The following MTMR2 variants were observed in gnomAD, a reference collection of about 807,000 sequenced individuals.
MTMR2 encodes phosphatidylinositol-3,5-bisphosphate 3-phosphatase MTMR2.
A neutral mutation model predicts 86.9 loss-of-function variants in MTMR2; 55 were observed. The ratio of observed to expected loss-of-function variants is 0.63; its 90% CI spans 0.51 to 0.79. The LOEUF (loss-of-function observed/expected upper bound fraction) is 0.79, where lower values mean the gene tolerates loss of function less well. MTMR2 is among the 30% of genes least tolerant of loss of function. The pLI is 0.00. For missense variants in MTMR2, 659 were observed against 772.3 expected (o/e 0.85, Z 1.74); for synonymous variants, 241 against 266.8 (o/e 0.90, Z 0.94).
At chr11:95,870,243 G>A (rs939257717) in intron 2 of MTMR2, among the ~76,000 whole-genome samples, 1 of 152,124 alleles carries the variant, frequency 6.6e-6, no homozygotes, top group African/African-American at 2.4e-5. Flanking sequence ...AATTCTGATG[G>A]TGGATACAGC....
At chr11:95,923,758 A>C (rs1867021129) in intron 1 of MTMR2, 117 bp downstream of exon 1, 1 of 1,487,208 alleles carries the variant, frequency 6.7e-7, no homozygotes, top group Non-Finnish European at 9.0e-7. Context: ...CCGGGGAAGG[A>C]ATTCCGGCGT....
At chr11:95,919,156 A>G (rs1565392179) in intron 1 of MTMR2, among the ~76,000 whole-genome samples, 1 of 152,314 alleles carries the variant, frequency 6.6e-6, no homozygotes, top group East Asian at 1.9e-4. Flanking sequence ...GTCACTCTTA[A>G]GTGACCTTGA....
chr11:95,890,884 T>TAAAATTAAAA (rs1238427716), intron 1 of MTMR2, among the ~76,000 whole-genome samples: 11 of 151,762 alleles, frequency 7.2e-5, no homozygotes, highest in Non-Finnish European at 1.3e-4. Context: ...AAAAATTAAA[T>TAAAATTAAAA]AAAATTAAAA....
At chr11:95,899,375 T>C (rs1865990695) in intron 1 of MTMR2, among the ~76,000 whole-genome samples, 3 of 152,140 alleles carry the variant, frequency 2.0e-5, no homozygotes, top group Non-Finnish European at 4.4e-5. Flanking sequence ...AAGCTGCTGC[T>C]TTCTGTCTTG....
intron 1 of MTMR2, among the ~76,000 whole-genome samples, chr11:95,905,555 C>T (rs1866242986): frequency 6.6e-6 from 1 of 152,146 alleles, no homozygotes; most frequent in South Asian, 2.1e-4. Flanking sequence ...CTCAGGAAGA[C>T]TTTCTAGATT....
Position 95,910,147 on chromosome 11 carries a change from A to ACACC in MTMR2, c.80+13727_80+13728insGGTG, listed in dbSNP as rs548851727. Among the ~76,000 whole-genome samples the ACACC allele has an allele frequency of 1.3e-3, 190 of 150,790 alleles. 2 individuals carry two copies. The highest frequency in any genetic ancestry group is 4.3e-3 in the African/African-American group (176 of 41,120). On this transcript the variant is annotated intron_variant, in intron 1 of 14. Transcript: ENST00000346299. ...TGCACGCACACACACACACACACAC[A>ACACC]CCCTACATGATTTTTTATATAGTCA...
intron 1 of MTMR2, among the ~76,000 whole-genome samples, chr11:95,900,092 G>A (rs1349254131): frequency 1.3e-5 from 2 of 152,098 alleles, no homozygotes; most frequent in African/African-American, 4.8e-5. Flanking sequence ...AACGGAACGA[G>A]GCCACATAAT....
chr11:95,907,367 A>G (rs1286328605), intron 1 of MTMR2, among the ~76,000 whole-genome samples: 1 of 152,114 alleles, frequency 6.6e-6, no homozygotes, highest in Non-Finnish European at 1.5e-5. Flanking sequence ...TTGAATCAAT[A>G]ATAAAAAGCC....
rs200892517 is a variant in MTMR2 at position 95,838,185 on chromosome 11, T to A, written c.1502A>T (p.Asn501Ile). The A allele has an allele frequency of 1.2e-6, 2 of 1,605,828 alleles. No homozygotes were observed. The highest frequency in any genetic ancestry group is 2.2e-5 in the South Asian group (2 of 90,922). ...CAAAATGGTAATGAGAAAATACTCA[T>A]TGAATTCAAATGCGGTAGGAAACTG... The part of the protein sequence containing the change: ...TRQFPTAFEF[N>I]EYFLITILDH... Residue 501 changes from asparagine (N) to isoleucine (I), a missense_variant, in exon 13 of 15, where the codon AAT becomes ATT. Physicochemically the swap from Asn to Ile is moderately radical, Grantham distance 149 (BLOSUM62 -3). Coordinates refer to ENST00000346299, the MANE Select transcript of MTMR2 (RefSeq NM_016156.6).
At chr11:95,912,151 T>G (rs1303923459) in intron 1 of MTMR2, among the ~76,000 whole-genome samples, 1 of 150,770 alleles carries the variant, frequency 6.6e-6, no homozygotes, top group Non-Finnish European at 1.5e-5. Context: ...GCATTCAACA[T>G]CTTTCTCTTT....
chr11:95,838,201 T>C lies in MTMR2; in HGVS notation c.1486A>G (p.Thr496Ala), dbSNP rs1412906295. The C allele has an allele frequency of 2.6e-6, 4 of 1,565,690 alleles. No homozygotes were observed. In the East Asian group the frequency reaches 9.0e-5, roughly 35 times the overall value. The change falls in exon 13 of 15, where the codon ACC (threonine) becomes GCC (alanine). Residue 496 changes from threonine (T) to alanine (A), a missense_variant. Thr to Ala is a moderately conservative substitution (Grantham distance 58). Around this residue, in one of 3 missense-constraint regions of MTMR2, gnomAD observed 193 missense variants for 191.6 expected, o/e 1.01. Transcript: ENST00000346299. ...CVWQMTRQFP[T>A]AFEFNEYFLI... ...AAATACTCATTGAATTCAAATGCGG[T>C]AGGAAACTGCAAATCAAACATCACA...
intron 1 of MTMR2, among the ~76,000 whole-genome samples, chr11:95,906,954 G>A (rs908358947): frequency 1.3e-5 from 2 of 151,940 alleles, no homozygotes; most frequent in Non-Finnish European, 2.9e-5. Context: ...ATCACACCCA[G>A]GGGAACTAGG....
chr11:95,874,494 A>C (rs931918211), intron 2 of MTMR2, among the ~76,000 whole-genome samples: 1 of 151,984 alleles, frequency 6.6e-6, no homozygotes, highest in Non-Finnish European at 1.5e-5. Flanking sequence ...GTGTCTCTGC[A>C]CGTGAGATGG....
chr11:95,871,330 T>C (rs1193586111), intron 2 of MTMR2, among the ~76,000 whole-genome samples: 1 of 152,202 alleles, frequency 6.6e-6, no homozygotes, highest in African/African-American at 2.4e-5. Flanking sequence ...TCCACAATGG[T>C]TGAACTAGTT....
chr11:95,885,423 A>T (rs1245006136), intron 2 of MTMR2, among the ~76,000 whole-genome samples: 1 of 152,106 alleles, frequency 6.6e-6, no homozygotes, highest in Non-Finnish European at 1.5e-5. Flanking sequence ...GAGGGAGGAA[A>T]TATATATTAT....
intron 1 of MTMR2, among the ~76,000 whole-genome samples, chr11:95,913,704 G>A (rs1233684000): frequency 6.6e-6 from 1 of 151,924 alleles, no homozygotes; most frequent in Non-Finnish European, 1.5e-5. Context: ...CAGTGTGTAA[G>A]GCACAGTAGA....
chr11:95,871,645 G>C (rs1446943413), intron 2 of MTMR2, among the ~76,000 whole-genome samples: 1 of 152,188 alleles, frequency 6.6e-6, no homozygotes, highest in Non-Finnish European at 1.5e-5. Context: ...GCCTTTGTCA[G>C]ATGAGTAGAT....
At chr11:95,907,971 T>C in intron 1 of MTMR2, 1 of 374,092 alleles carries the variant, frequency 2.7e-6, no homozygotes, top group Non-Finnish European at 5.2e-6. Context: ...TCACTCATAT[T>C]CAACATAACA....
At chr11:95,887,950 G>A (rs1485959552) in intron 2 of MTMR2, among the ~76,000 whole-genome samples, 2 of 152,136 alleles carry the variant, frequency 1.3e-5, no homozygotes, top group African/African-American at 4.8e-5. Flanking sequence ...ACTTAGAGGT[G>A]ATCAACCTCA....
Sources: gnomAD v4.1 joint callset for allele counts (sites outside exome capture counted in the v4.1 genomes callset) on GRCh38, gnomAD v4.1.1 for gene constraint, gnomAD v4.1.1 regional missense constraint, MANE v1.5 for transcripts, NCBI Gene and HGNC (gene_info 2026-07-23, HGNC 2026-07-21) for gene names.